SCAPER: variants seen among roughly 807,000 people sequenced by gnomAD.
SCAPER encodes S-phase cyclin A associated protein in the ER.
In SCAPER, 98 loss-of-function variants were observed where a neutral mutation model predicts 182.2. That is an observed-to-expected ratio of 0.54 (90% CI 0.46 to 0.64). The LOEUF (loss-of-function observed/expected upper bound fraction) is 0.64. Ranked by LOEUF, SCAPER falls within the 30% of genes least tolerant of loss-of-function variation. The pLI, the probability that SCAPER is intolerant of heterozygous loss-of-function variation, is 0.00. For synonymous variants in SCAPER, 605 were observed against 564.6 expected (o/e 1.07, Z -1.01); for missense variants, 1,432 against 1,690.0 (o/e 0.85, Z 2.68).
chr15:76,632,292 C>T (rs936878470), intron 21 of SCAPER, among the ~76,000 whole-genome samples: 10 of 151,952 alleles, frequency 6.6e-5, no homozygotes, highest in African/African-American at 2.4e-4. Context: ...TGGGTTCAAA[C>T]AACTCACTTG....
At chr15:76,604,382 A>G (rs1265592791) in intron 22 of SCAPER, among the ~76,000 whole-genome samples, 2 of 119,970 alleles carry the variant, frequency 1.7e-5, no homozygotes, top group African/African-American at 5.1e-5. Context: ...CCATTGGTCT[A>G]TATCTCTGTT....
At chr15:76,777,838 T>A (rs144781175) in intron 8 of SCAPER, among the ~76,000 whole-genome samples, 2 of 152,284 alleles carry the variant, frequency 1.3e-5, no homozygotes, top group East Asian at 3.9e-4. Flanking sequence ...TCATACACAG[T>A]AAGTTTGAAA....
Position 76,895,797 on chromosome 15 carries a change from T to C in SCAPER, c.-60+9502A>G, listed in dbSNP as rs1444343395. On this transcript the variant is annotated intron_variant, in intron 1 of 31. Transcript: ENST00000563290. ...AGCTCACGCCTATAATCTCAGCACT[T>C]TGGGAGTCCAAGATGGGCAGATCAT... Among the ~76,000 whole-genome samples, 5 of 152,042 alleles carry C rather than the reference T, an allele frequency of 3.3e-5. No homozygotes were observed. In the East Asian group the frequency reaches 7.7e-4, roughly 23 times the overall value.
chr15:76,420,575 A>G (rs1233902994), intron 26 of SCAPER, among the ~76,000 whole-genome samples: 8 of 152,186 alleles, frequency 5.3e-5, no homozygotes, highest in Non-Finnish European at 1.2e-4. Flanking sequence ...GATACCTAGG[A>G]ATAAACTTAA....
intron 20 of SCAPER, among the ~76,000 whole-genome samples, chr15:76,697,586 G>GT (rs1210266999): frequency 4.6e-5 from 7 of 151,912 alleles, no homozygotes; most frequent in African/African-American, 7.2e-5. Context: ...AAATTGTTAA[G>GT]TTTTTTTTGT....
chr15:76,751,871 A>G (rs1212048713), intron 15 of SCAPER, among the ~76,000 whole-genome samples: 1 of 151,826 alleles, frequency 6.6e-6, no homozygotes, highest in African/African-American at 2.4e-5. Flanking sequence ...AGAAAAAAAC[A>G]GACAAATTGG....
At chr15:76,681,171 C>T (rs933655169) in intron 20 of SCAPER, among the ~76,000 whole-genome samples, 1 of 152,070 alleles carries the variant, frequency 6.6e-6, no homozygotes, top group Non-Finnish European at 1.5e-5. Flanking sequence ...ATAGTTATAC[C>T]TCAAAGCTCT....
chr15:76,499,530 A>G (rs898193872), intron 24 of SCAPER, among the ~76,000 whole-genome samples: 19 of 152,160 alleles, frequency 1.2e-4, no homozygotes, highest in African/African-American at 4.6e-4. Context: ...ATATAGTCAC[A>G]CAATATTGAC....
intron 25 of SCAPER, among the ~76,000 whole-genome samples, chr15:76,447,286 A>C (rs1025572316): frequency 6.6e-6 from 1 of 152,192 alleles, no homozygotes; most frequent in African/African-American, 2.4e-5. Flanking sequence ...TATCCTTTGT[A>C]ACATCCTTTG....
intron 16 of SCAPER, among the ~76,000 whole-genome samples, chr15:76,730,367 T>C (rs1311931586): frequency 1.3e-5 from 2 of 151,946 alleles, no homozygotes; most frequent in Admixed American, 1.3e-4. Context: ...GAGGAGGACA[T>C]AACAGGCACA....
chr15:76,457,106 A>G (rs1167364632), intron 25 of SCAPER, among the ~76,000 whole-genome samples: 1 of 150,628 alleles, frequency 6.6e-6, no homozygotes, highest in Non-Finnish European at 1.5e-5. Context: ...TTGGTCACCC[A>G]GGCTGGAGTG....
intron 21 of SCAPER, among the ~76,000 whole-genome samples, chr15:76,646,249 T>C (rs923872733): frequency 3.3e-5 from 5 of 152,154 alleles, no homozygotes; most frequent in Non-Finnish European, 4.4e-5. Context: ...TAACTCTGAA[T>C]GTAGATACAC....
chr15:76,796,115 G>A (rs1043982394), intron 7 of SCAPER, among the ~76,000 whole-genome samples: 1 of 152,234 alleles, frequency 6.6e-6, no homozygotes, highest in Non-Finnish European at 1.5e-5. Context: ...TCTTGATAAA[G>A]ACACTACTAA....
intron 5 of SCAPER, among the ~76,000 whole-genome samples, chr15:76,819,698 G>A (rs1008116708): frequency 2.6e-5 from 4 of 152,192 alleles, no homozygotes; most frequent in Admixed American, 6.5e-5. Flanking sequence ...CCAAAGGAAC[G>A]CAGCTCCTCA....
At chr15:76,669,684 G>A (rs1409664637) in intron 20 of SCAPER, among the ~76,000 whole-genome samples, 1 of 152,136 alleles carries the variant, frequency 6.6e-6, no homozygotes, top group Non-Finnish European at 1.5e-5. Context: ...AAGAAGTTTG[G>A]TATAATGCCC....
intron 5 of SCAPER, among the ~76,000 whole-genome samples, chr15:76,826,542 C>A: frequency 6.8e-6 from 1 of 146,820 alleles, no homozygotes. Context: ...TGCACATGTA[C>A]CCTAAAACTT....
intron 17 of SCAPER, among the ~76,000 whole-genome samples, chr15:76,708,883 T>C (rs899098354): frequency 4.0e-5 from 6 of 151,894 alleles, no homozygotes; most frequent in Admixed American, 2.6e-4. Flanking sequence ...CTGGCCAACA[T>C]GGTGGAACCC....
At chr15:76,381,704 C>A in intron 27 of SCAPER, 89 bp from the exon 28 acceptor site, 2 of 1,042,830 alleles carry the variant, frequency 1.9e-6, no homozygotes, top group Non-Finnish European at 1.4e-6. Flanking sequence ...ACAAGCAGAC[C>A]GTTAAAAACA....
intron 25 of SCAPER, among the ~76,000 whole-genome samples, chr15:76,462,226 T>C (rs1291598023): frequency 6.6e-6 from 1 of 152,170 alleles, no homozygotes; most frequent in Non-Finnish European, 1.5e-5. Flanking sequence ...CCCAACGCTG[T>C]TCCTTTCTTC....
Sources: allele counts gnomAD v4.1 joint callset (sites outside exome capture counted in the v4.1 genomes callset), GRCh38; gene constraint gnomAD v4.1.1; transcripts MANE v1.5; gene names NCBI Gene and HGNC (gene_info 2026-07-23, HGNC 2026-07-21).